CWH43: variants seen among roughly 807,000 people sequenced by gnomAD.
The protein encoded by CWH43 is PGAP2-interacting protein.
A neutral mutation model predicts 85.7 loss-of-function variants in CWH43; 91 were observed. The ratio of observed to expected loss-of-function variants is 1.06; its 90% confidence interval spans 0.90 to 1.26. The LOEUF (loss-of-function observed/expected upper bound fraction) is 1.26, where lower values mean the gene tolerates loss of function less well. Ranked by LOEUF, CWH43 falls within the 50% of genes most tolerant of loss-of-function variation. The pLI is 0.00. For synonymous variants in CWH43, 323 were observed against 293.6 expected (o/e 1.10, Z -1.02); for missense variants, 869 against 839.2 (o/e 1.04, Z -0.44).
chr4:49,054,332 T>C (rs1560517321), intron 15 of CWH43, among the ~76,000 whole-genome samples: 1 of 152,232 alleles, frequency 6.6e-6, no homozygotes, highest in Non-Finnish European at 1.5e-5. Context: ...TGTGGATTTA[T>C]TTCTAGGCTC....
chr4:49,027,040 T>C (rs1783938341), intron 9 of CWH43, among the ~76,000 whole-genome samples: 1 of 152,240 alleles, frequency 6.6e-6, no homozygotes, highest in Non-Finnish European at 1.5e-5. Context: ...GCCACTCTAG[T>C]GCCTCAAGCA....
chr4:49,038,168 TGGC>T lies in CWH43; in HGVS notation c.1792_1794del (p.Gly598del). On this transcript the variant is annotated inframe_deletion, in exon 13 of 16. Coordinates refer to ENST00000226432, the MANE Select transcript of CWH43 (RefSeq NM_025087.3). ...GAGATTATCTACAGCTCACTGAACA[TGGC>T]AATGTGAAGGTAACATAATCTTAAT... 6.3e-7 allele frequency: 1 copy of T among 1,580,318 alleles called. No homozygotes were observed. The highest frequency in any genetic ancestry group is 8.6e-7 in the Non-Finnish European group (1 of 1,164,652).
At chr4:49,027,552 A>G (rs145799491) in intron 9 of CWH43, among the ~76,000 whole-genome samples, 2 of 151,982 alleles carry the variant, frequency 1.3e-5, no homozygotes, top group African/African-American at 2.4e-5. Flanking sequence ...AATTATTTAA[A>G]TTTTTTTGTC....
intron 3 of CWH43, 121 bp downstream of exon 3, chr4:48,991,695 C>CT (rs369510468): frequency 1.3e-4 from 150 of 1,167,228 alleles, no homozygotes; most frequent in Non-Finnish European, 1.4e-4. Flanking sequence ...TCAAAGTCTC[C>CT]TTTTTTTTCC....
At chr4:49,054,932 T>TAG (rs1784906914) in intron 15 of CWH43, among the ~76,000 whole-genome samples, 1 of 152,060 alleles carries the variant, frequency 6.6e-6, no homozygotes, top group Non-Finnish European at 1.5e-5. Flanking sequence ...TATATATATA[T>TAG]ATAATCATGT....
intron 15 of CWH43, among the ~76,000 whole-genome samples, chr4:49,052,844 A>G (rs1180538034): frequency 6.6e-6 from 1 of 152,228 alleles, no homozygotes; most frequent in Non-Finnish European, 1.5e-5. Flanking sequence ...ACAATACATT[A>G]TTATTAACTA....
At chr4:48,988,794 C>A in intron 2 of CWH43, 126 bp downstream of exon 2, 1 of 630,762 alleles carries the variant, frequency 1.6e-6, no homozygotes. Context: ...TTTTCCTTAC[C>A]ACTGCCTTAG....
chr4:49,053,261 A>G (rs1018371403), intron 15 of CWH43, among the ~76,000 whole-genome samples: 2 of 152,228 alleles, frequency 1.3e-5, no homozygotes, highest in Non-Finnish European at 2.9e-5. Context: ...ATGTAGGAGT[A>G]CAGATATTTC....
At chr4:49,043,545 A>C (rs1315484061) in intron 13 of CWH43, among the ~76,000 whole-genome samples, 11 of 152,296 alleles carry the variant, frequency 7.2e-5, no homozygotes, top group Admixed American at 4.6e-4. Context: ...CTCTAGGAGG[A>C]AGTTTATTAA....
intron 11 of CWH43, chr4:49,031,214 G>GC: frequency 2.7e-6 from 1 of 368,886 alleles, no homozygotes; most frequent in South Asian, 8.2e-5. Flanking sequence ...AAGCATGTCT[G>GC]GCCTGGATGC....
chr4:49,039,731 T>G (rs1784396982), intron 13 of CWH43, among the ~76,000 whole-genome samples: 1 of 151,820 alleles, frequency 6.6e-6, no homozygotes, highest in South Asian at 2.1e-4. Context: ...TTCTTTTTTT[T>G]TCTGATTTTT....
chr4:49,041,151 G>A (rs1227885953), intron 13 of CWH43, among the ~76,000 whole-genome samples: 1 of 152,152 alleles, frequency 6.6e-6, no homozygotes, highest in Non-Finnish European at 1.5e-5. Flanking sequence ...CTGTAGCCTT[G>A]TAGTATAGTT....
At chr4:49,052,216 G>A (rs911361514) in intron 15 of CWH43, among the ~76,000 whole-genome samples, 4 of 152,070 alleles carry the variant, frequency 2.6e-5, no homozygotes, top group Non-Finnish European at 5.9e-5. Flanking sequence ...ATCTTGCCCT[G>A]TGTAAGTGTA....
At chr4:49,028,592 A>C (rs1232631056) in intron 9 of CWH43, 37 bp from the exon 10 acceptor site, 1 of 1,482,968 alleles carries the variant, frequency 6.7e-7, no homozygotes, top group Non-Finnish European at 9.3e-7. Context: ...GCCATTGTTC[A>C]CAGTCATCCT....
chr4:49,028,031 C>T (rs1443166653), intron 9 of CWH43, among the ~76,000 whole-genome samples: 1 of 152,134 alleles, frequency 6.6e-6, no homozygotes, highest in Non-Finnish European at 1.5e-5. Context: ...ATGTTGAAGG[C>T]CCCTCTGTAT....
chr4:49,032,693 G>C lies in CWH43; in HGVS notation c.1636G>C (p.Val546Leu), dbSNP rs1377666359. The C allele has an allele frequency of 1.2e-6, 2 of 1,613,938 alleles. No individual in the cohort carries two copies. The highest frequency in any genetic ancestry group is 1.3e-5 in the African/African-American group (1 of 74,914). ...TTCGGGCAAGCTGGTGGATTTTGTC[G>C]TGACACACTTTGGGAACCACGAGTG... is the stretch of plus-strand genomic sequence containing the variant. ...NISGKLVDFV[V>L]THFGNHEDDL... The change falls in exon 12 of 16, where the codon GTG becomes CTG. Residue 546 changes from valine to leucine, a missense_variant. Around this residue, in one of 3 missense-constraint regions of CWH43, gnomAD observed 577 missense variants for 513.1 expected, o/e 1.12. Coordinates refer to ENST00000226432, the MANE Select transcript of CWH43 (RefSeq NM_025087.3).
intron 12 of CWH43, among the ~76,000 whole-genome samples, chr4:49,034,474 A>G (rs1191708644): frequency 6.6e-6 from 1 of 152,180 alleles, no homozygotes; most frequent in Non-Finnish European, 1.5e-5. Flanking sequence ...TATGCTTGGA[A>G]AAGAGGAGGG....
At chr4:48,990,184 T>A (rs182251201) in intron 2 of CWH43, among the ~76,000 whole-genome samples, 57 of 152,284 alleles carry the variant, frequency 3.7e-4, no homozygotes, top group African/African-American at 1.3e-3. Context: ...GGGTAGATAT[T>A]GTATTTTATT....
intron 14 of CWH43, among the ~76,000 whole-genome samples, chr4:49,047,055 G>A (rs918792577): frequency 6.6e-6 from 1 of 152,130 alleles, no homozygotes; most frequent in Non-Finnish European, 1.5e-5. Flanking sequence ...AGGCATCTTG[G>A]CATTGCCTGC....
Sources: gnomAD v4.1 joint callset for allele counts (sites outside exome capture counted in the v4.1 genomes callset) on GRCh38, gnomAD v4.1.1 for gene constraint, gnomAD v4.1.1 regional missense constraint, MANE v1.5 for transcripts, NCBI Gene and HGNC (gene_info 2026-07-23, HGNC 2026-07-21) for gene names.